Variants in PRELID2 observed in about 807,000 individuals in gnomAD.
PRELID2 encodes PRELI domain-containing protein 2.
Under a neutral mutation model 28.4 loss-of-function variants are expected in PRELID2, and 25 were observed. The ratio of observed to expected loss-of-function variants is 0.88; its 90% CI spans 0.64 to 1.23. PRELID2 has a LOEUF of 1.23. Among genes scored for constraint, PRELID2 ranks in the 50% most tolerant of loss-of-function variants. PRELID2 has a pLI of 0.00. For missense variants in PRELID2, 201 were observed against 214.4 expected, an observed-to-expected ratio of 0.94 and a Z score of 0.39; for synonymous variants, 76 against 71.6, an observed-to-expected ratio of 1.06 and a Z score of -0.31.
At chr5:145,233,619 AAG>A in the PRELID2 span, among the ~76,000 whole-genome samples, 24 of 152,246 alleles carry the variant, frequency 1.6e-4, no homozygotes, top group East Asian at 5.8e-4. Context: ...GCCTCTTAAA[AAG>A]GTCGGAAATG....
chr5:145,274,082 A>C, the PRELID2 span, among the ~76,000 whole-genome samples: 12 of 152,288 alleles, frequency 7.9e-5, no homozygotes, highest in African/African-American at 2.9e-4. Flanking sequence ...TGAGACAAAA[A>C]GTGCAAGCAT....
chr5:145,679,531 G>C (rs189546559), intron 1 of PRELID2, among the ~76,000 whole-genome samples: 1 of 152,168 alleles, frequency 6.6e-6, no homozygotes, highest in African/African-American at 2.4e-5. Flanking sequence ...GTCTTTGCTT[G>C]CTAGGATACA....
At chr5:145,464,115 T>C in the PRELID2 span, among the ~76,000 whole-genome samples, 2 of 152,052 alleles carry the variant, frequency 1.3e-5, no homozygotes, top group African/African-American at 4.8e-5. Context: ...GTCTCATATA[T>C]CAGATAGGAA....
chr5:145,517,838 G>T (rs572964904), intron 1 of PRELID2, among the ~76,000 whole-genome samples: 1 of 152,228 alleles, frequency 6.6e-6, no homozygotes, highest in South Asian at 2.1e-4. Flanking sequence ...CATGTCCTTT[G>T]CAGGGACATG....
At chr5:145,678,765 G>A (rs1023691215) in intron 1 of PRELID2, among the ~76,000 whole-genome samples, 12 of 152,114 alleles carry the variant, frequency 7.9e-5, no homozygotes, top group African/African-American at 2.2e-4. Flanking sequence ...TCTGCAAACT[G>A]GGGGGTCGAG....
At chr5:145,350,715 A>G in the PRELID2 span, among the ~76,000 whole-genome samples, 3 of 152,178 alleles carry the variant, frequency 2.0e-5, no homozygotes. Context: ...TGAGGGGACC[A>G]CTAGCACAGA....
At chr5:145,460,221 C>T in the PRELID2 span, among the ~76,000 whole-genome samples, 1 of 152,176 alleles carries the variant, frequency 6.6e-6, no homozygotes, top group African/African-American at 2.4e-5. Context: ...GCCACCTGGC[C>T]ATACGTTTCA....
At chr5:145,611,136 A>T (rs1342089819) in intron 1 of PRELID2, among the ~76,000 whole-genome samples, 1 of 151,912 alleles carries the variant, frequency 6.6e-6, no homozygotes, top group Non-Finnish European at 1.5e-5. Flanking sequence ...TGTACAGATA[A>T]ATTATTAGAA....
At chr5:145,440,055 G>C in the PRELID2 span, among the ~76,000 whole-genome samples, 1 of 152,106 alleles carries the variant, frequency 6.6e-6, no homozygotes, top group East Asian at 1.9e-4. Context: ...CGAAACAGCT[G>C]TGTGCTAGTC....
At chr5:145,542,371 G>A (rs541211282) in intron 1 of PRELID2, among the ~76,000 whole-genome samples, 82 of 152,224 alleles carry the variant, frequency 5.4e-4, no homozygotes, top group African/African-American at 1.9e-3. Context: ...GATTAGAACA[G>A]AAAGATGGAG....
At chr5:145,589,720 C>T (rs1380509813) in intron 1 of PRELID2, among the ~76,000 whole-genome samples, 1 of 151,972 alleles carries the variant, frequency 6.6e-6, no homozygotes, top group Non-Finnish European at 1.5e-5. Flanking sequence ...TAACTGTTTT[C>T]TTTTGTGATT....
At chr5:145,353,875 G>A in the PRELID2 span, among the ~76,000 whole-genome samples, 1 of 152,064 alleles carries the variant, frequency 6.6e-6, no homozygotes, top group African/African-American at 2.4e-5. Flanking sequence ...GATTTTATGA[G>A]GTCCTTCTCC....
chr5:145,474,076 T>C (rs537576044), intron 1 of PRELID2, among the ~76,000 whole-genome samples: 8 of 152,162 alleles, frequency 5.3e-5, no homozygotes, highest in Non-Finnish European at 7.3e-5. Flanking sequence ...CCAATGTTGA[T>C]AGCAAAGAAA....
downstream of PRELID2, among the ~76,000 whole-genome samples, chr5:145,470,714 C>A (rs1419698936): frequency 6.6e-6 from 1 of 152,078 alleles, no homozygotes; most frequent in Non-Finnish European, 1.5e-5. Flanking sequence ...TGAATAATTT[C>A]TCTTGCTTTA....
At chr5:145,376,694 TTC>T in the PRELID2 span, among the ~76,000 whole-genome samples, 18 of 152,222 alleles carry the variant, frequency 1.2e-4, no homozygotes, top group Non-Finnish European at 2.5e-4. Flanking sequence ...GTTCATAATA[TTC>T]TCTGATGAGG....
At chr5:145,242,529 A>G in the PRELID2 span, among the ~76,000 whole-genome samples, 2 of 152,190 alleles carry the variant, frequency 1.3e-5, no homozygotes, top group East Asian at 1.9e-4. Flanking sequence ...AGGCAATCCA[A>G]GTAATCCTCC....
chr5:145,661,254 T>C (rs1205106340), intron 1 of PRELID2, among the ~76,000 whole-genome samples: 7 of 152,198 alleles, frequency 4.6e-5, no homozygotes, highest in Admixed American at 3.9e-4. Flanking sequence ...CTTTCATATA[T>C]GTATACAAGG....
intron 5 of PRELID2, among the ~76,000 whole-genome samples, chr5:145,769,404 C>T (rs1471863247): frequency 6.6e-6 from 1 of 152,148 alleles, no homozygotes; most frequent in Admixed American, 6.6e-5. Flanking sequence ...CTCTAAGAGT[C>T]TCAGAAATAG....
At chr5:145,361,228 T>C in the PRELID2 span, among the ~76,000 whole-genome samples, 2 of 152,204 alleles carry the variant, frequency 1.3e-5, no homozygotes, top group African/African-American at 4.8e-5. Flanking sequence ...ATGCAACTGT[T>C]TTCTGAGAAG....
Sources: allele counts gnomAD v4.1 joint callset (sites outside exome capture counted in the v4.1 genomes callset), GRCh38; gene constraint gnomAD v4.1.1; transcripts MANE v1.5; gene names NCBI Gene and HGNC (gene_info 2026-07-23, HGNC 2026-07-21).